ATP13A2: variants seen among roughly 807,000 people sequenced by gnomAD.
ATP13A2 encodes polyamine-transporting ATPase 13A2.
In ATP13A2, 83 loss-of-function variants were observed where a neutral mutation model predicts 138.3. The observed-to-expected ratio is 0.60, with a 90% CI of 0.50 to 0.72. The LOEUF is 0.72. ATP13A2 is among the 30% of genes least tolerant of loss of function. The pLI is 0.00. For synonymous variants in ATP13A2, 663 were observed against 699.0 expected, an observed-to-expected ratio of 0.95 and a Z score of 0.81; for missense variants, 1,402 against 1,606.4, an observed-to-expected ratio of 0.87 and a Z score of 2.17.
chr1:17,008,987 C>A (rs2077675208), intron 1 of ATP13A2, among the ~76,000 whole-genome samples: 1 of 150,628 alleles, frequency 6.6e-6, no homozygotes, highest in South Asian at 2.1e-4. Flanking sequence ...CTCAGGCCAA[C>A]AGCCCAGCGG....
intron 1 of ATP13A2, among the ~76,000 whole-genome samples, chr1:17,009,237 C>T (rs1254539951): frequency 6.6e-6 from 1 of 152,126 alleles, no homozygotes; most frequent in Non-Finnish European, 1.5e-5. Context: ...GGTGTCACTG[C>T]CCTTACTGCT....
At chr1:16,994,884 G>T (rs530034757) in intron 15 of ATP13A2, among the ~76,000 whole-genome samples, 9 of 151,910 alleles carry the variant, frequency 5.9e-5, no homozygotes, top group Non-Finnish European at 1.0e-4. Flanking sequence ...GGCTGGTCTT[G>T]AACTCCTGAC....
At position 16,996,046 on chromosome 1, in the gene ATP13A2, T is replaced by G; in HGVS notation, c.1472A>C (p.Gln491Pro). The change falls in exon 15 of 29, where the codon CAG (glutamine) becomes CCG (proline). Residue 491 changes from glutamine (Q) to proline (P), a missense_variant. By Grantham distance (76) the Gln-to-Pro change is moderately conservative. Coordinates refer to ENST00000326735, the MANE Select transcript of ATP13A2 (RefSeq NM_022089.4). Reference sequence around the variant, plus strand: ...CAGTGGGTGGATGCAGAAAATGCCCTGTCTCCGCAGTCGGCTCTGGGCGTA... The same window carrying G: ...CAGTGGGTGGATGCAGAAAATGCCCGGTCTCCGCAGTCGGCTCTGGGCGTA... ...TLYAQSRLRR[Q>P]GIFCIHPLRI... The G allele has an allele frequency of 6.2e-7, 1 of 1,614,096 alleles. No individual in the cohort carries two copies.
Position 16,986,956 on chromosome 1 carries a change from C to G in ATP13A2, c.3084G>C (p.Trp1028Cys). 1 of 1,613,866 alleles carries G rather than the reference C, an allele frequency of 6.2e-7. No individual in the cohort carries two copies. Among genetic ancestry groups the G allele is most frequent in the Admixed American group, 1.7e-5 (1 of 60,000 alleles). ...GGYFLTLAQP[W>C]FVPLNRTVAA... ...CCACTGTCCTGTTCAGAGGCACGAA[C>G]CTGGGGGTACAGGGATGGGGGTCAG... Residue 1028 changes from tryptophan (W) to cysteine (C), a missense_variant and splice_region_variant, in exon 27 of 29, where the codon TGG (tryptophan) becomes TGC (cysteine). Transcript: ENST00000326735. This position sits in a 1 kb window ranked among gnomAD's most constrained non-coding sequence, Gnocchi z 6.9.
chr1:16,989,630 A>T, intron 23 of ATP13A2, 61 bp downstream of exon 23: 1 of 1,554,762 alleles, frequency 6.4e-7, no homozygotes, highest in Non-Finnish European at 8.9e-7. Context: ...ACAGATGAAC[A>T]GACGAACGGA....
intron 3 of ATP13A2, 23 bp downstream of exon 3, chr1:17,005,351 C>A: frequency 6.3e-7 from 1 of 1,576,944 alleles, no homozygotes; most frequent in Non-Finnish European, 8.6e-7. Context: ...CTTCTCTAGC[C>A]CCAGGCTCAG....
intron 24 of ATP13A2, 25 bp from the exon 25 acceptor site, chr1:16,988,259 G>A (rs765505590): frequency 1.2e-6 from 2 of 1,614,192 alleles, no homozygotes; most frequent in African/African-American, 1.3e-5. Flanking sequence ...ACGGACATTA[G>A]GGGACCCAGG....
At position 17,004,558 on chromosome 1, in the gene ATP13A2, G is replaced by C. The variant is rs575187743; in HGVS notation, c.477+134C>G. On this transcript the variant is annotated intron_variant, in intron 5 of 28. Transcript: ENST00000326735. The surrounding 1 kb of genome is among the most constrained non-coding windows in gnomAD (Gnocchi z 4.1). ...TGGGGAGAGGCCTGAAAGTGTAAACGTGCTCAGACAGCATCCTGGATGTTT... is the reference window on the plus strand; with the variant it reads ...TGGGGAGAGGCCTGAAAGTGTAAACCTGCTCAGACAGCATCCTGGATGTTT... 1.1e-5 allele frequency: 17 copies of C among 1,571,956 alleles called. No individual in the cohort carries two copies. The East Asian group carries it at 3.2e-4, about 30-fold the overall frequency.
chr1:16,993,570 T>C (rs2077009417), intron 16 of ATP13A2, 59 bp downstream of exon 16: 2 of 1,467,564 alleles, frequency 1.4e-6, no homozygotes, highest in African/African-American at 2.8e-5. Context: ...GAAGACAGGG[T>C]GGGATTCGTT....
rs200045802 is a variant in ATP13A2, at chr1:16,986,991, G to A, written c.3084-35C>T. On this transcript the variant is annotated intron_variant, in intron 26 of 28. Coordinates refer to ENST00000326735, the MANE Select transcript of ATP13A2 (RefSeq NM_022089.4). The surrounding 1 kb of genome is among the most constrained non-coding windows in gnomAD (Gnocchi z 6.9). ...CAGGGATGGGGGTCAGGGAACGAACGTGGGGTGGACAGGGAAGGGGCGGGA... is the reference window on the plus strand; with the variant it reads ...CAGGGATGGGGGTCAGGGAACGAACATGGGGTGGACAGGGAAGGGGCGGGA... The A allele has an allele frequency of 4.6e-5, 74 of 1,613,052 alleles. 1 individual carries two copies. The South Asian group carries it at 4.7e-4, about 10-fold the overall frequency.
Position 17,004,263 on chromosome 1 carries a change from G to T in ATP13A2, c.557+69C>A. ...GAGAGGGGAGCCCAGGCCATGCCAT[G>T]CCACCGTCTGTGCCCAAACCAGTGC... On this transcript the variant is annotated intron_variant, in intron 6 of 28. Coordinates refer to ENST00000326735, the MANE Select transcript of ATP13A2 (RefSeq NM_022089.4). The surrounding 1 kb of genome is among the most constrained non-coding windows in gnomAD (Gnocchi z 4.1). The T allele has an allele frequency of 6.6e-7, 1 of 1,513,828 alleles. No individual in the cohort carries two copies. Among genetic ancestry groups the T allele is most frequent in the Non-Finnish European group, 9.1e-7 (1 of 1,102,886 alleles). The allele number at this position is 1,513,828 out of a possible 1,614,324, so 93.8% of individuals were successfully genotyped here.
At position 17,004,483 on chromosome 1, in the gene ATP13A2, G is replaced by GC. The variant is rs2077476557; in HGVS notation, c.478-73dup. 6.3e-7 allele frequency: 1 copy of GC among 1,577,552 alleles called. No individual in the cohort carries two copies. Among genetic ancestry groups the GC allele is most frequent in the Admixed American group, 1.7e-5 (1 of 57,374 alleles). ...CAGAAGCAGTGTGCTTATGCTGGGA[G>GC]CCGAGGGATGGGGGTAGGGGGCAGG... On this transcript the variant is annotated intron_variant, in intron 5 of 28. Coordinates refer to ENST00000326735, the MANE Select transcript of ATP13A2 (RefSeq NM_022089.4). The surrounding 1 kb of genome is among the most constrained non-coding windows in gnomAD (Gnocchi z 4.1).
At chr1:16,990,403 G>A in intron 20 of ATP13A2, 116 bp from the exon 21 acceptor site, 1 of 1,338,400 alleles carries the variant, frequency 7.5e-7, no homozygotes, top group South Asian at 1.3e-5. Context: ...CACCAGCCAA[G>A]TGAGCTGAGG....
Position 16,988,145 on chromosome 1 carries a change from A to G in ATP13A2, c.2852T>C (p.Leu951Pro). 1 of 1,613,820 alleles carries G rather than the reference A, an allele frequency of 6.2e-7. No homozygotes were observed. Among genetic ancestry groups the G allele is most frequent in the South Asian group, 1.1e-5 (1 of 91,072 alleles). The change falls in exon 25 of 29, where the codon CTC becomes CCC. Residue 951 changes from leucine to proline, a missense_variant. Transcript: ENST00000326735. ...SLTQFISVLILYTINTNLGDL... is the reference protein window; with the variant it reads ...SLTQFISVLIPYTINTNLGDL... ...AGCTCTGCAGATACTCACCGTGTAG[A>G]GGATCAGGACGGAGATGAACTGGGT...
chr1:16,987,358 A>T (rs2076774242), intron 25 of ATP13A2, 89 bp from the exon 26 acceptor site: 3 of 1,266,586 alleles, frequency 2.4e-6, no homozygotes, highest in Non-Finnish European at 3.4e-6. Context: ...CCCTGCCCCG[A>T]AGGAATCTGA....
chr1:17,000,019 G>C lies in ATP13A2; in HGVS notation c.1031C>G (p.Ser344Cys). 6.2e-7 allele frequency: 1 copy of C among 1,608,420 alleles called. No individual in the cohort carries two copies. Among genetic ancestry groups the C allele is most frequent in the Non-Finnish European group, 8.5e-7 (1 of 1,177,122 alleles). ...AGGGGCTGGGGGCTCACCTGTCAGAGAGCTCTCATTCACCATGCACTCGCC... is the reference window on the plus strand; with the variant it reads ...AGGGGCTGGGGGCTCACCTGTCAGACAGCTCTCATTCACCATGCACTCGCC... ...VAGECMVNES[S>C]LTGESIPVLK... The change falls in exon 11 of 29, where the codon TCT (serine) becomes TGT (cysteine). Residue 344 changes from serine (S) to cysteine (C), a missense_variant. By Grantham distance (112) the Ser-to-Cys change is moderately radical (BLOSUM62 -1). Coordinates refer to ENST00000326735, the MANE Select transcript of ATP13A2 (RefSeq NM_022089.4).
intron 1 of ATP13A2, among the ~76,000 whole-genome samples, chr1:17,008,616 G>A (rs547277722): frequency 3.3e-5 from 5 of 152,110 alleles, no homozygotes; most frequent in East Asian, 1.9e-4. Context: ...GCTGTCCCAC[G>A]GCTCCCTAGG....
In ATP13A2 at chr1:17,002,020, AG is replaced by A; in HGVS notation, c.705+13del. ...GCCAGGCAGGGCTGGGGCAAGACCCAGGGACAGCCCTACCTCGTCCACCAGC... is the reference window on the plus strand; with the variant it reads ...GCCAGGCAGGGCTGGGGCAAGACCCAGGACAGCCCTACCTCGTCCACCAGC... On this transcript the variant is annotated intron_variant, in intron 8 of 28. Transcript: ENST00000326735. 6.2e-7 allele frequency: 1 copy of A among 1,605,102 alleles called. No homozygotes were observed. The highest frequency in any genetic ancestry group is 1.1e-5 in the South Asian group (1 of 90,192).
chr1:16,993,932 G>T (rs2077025973), intron 15 of ATP13A2, 97 bp from the exon 16 acceptor site: 2 of 1,026,944 alleles, frequency 1.9e-6, no homozygotes, highest in Non-Finnish European at 2.8e-6. Context: ...GACCCTATGG[G>T]AACCCCAGGA....
Sources: gnomAD v4.1 joint callset for allele counts (sites outside exome capture counted in the v4.1 genomes callset) on GRCh38, gnomAD v4.1.1 for gene constraint, Gnocchi (gnomAD v3.1) non-coding constraint, MANE v1.5 for transcripts, NCBI Gene and HGNC (gene_info 2026-07-23, HGNC 2026-07-21) for gene names.